Variants in PSD3 observed in about 807,000 individuals in gnomAD.
The protein encoded by PSD3 is PH and SEC7 domain-containing protein 3.
A neutral mutation model predicts 105.5 loss-of-function variants in PSD3; 49 were observed. That is an observed-to-expected ratio of 0.46 (90% confidence interval 0.37 to 0.59). PSD3 has a LOEUF of 0.59. Ranked by LOEUF, PSD3 falls within the 20% of genes least tolerant of loss-of-function variation. The probability of loss-of-function intolerance (pLI) is 0.00; values close to 1 mark genes in which losing one functional copy is unlikely to be tolerated. For synonymous variants in PSD3, 557 were observed against 457.8 expected, an observed-to-expected ratio of 1.22 and a Z score of -2.77; for missense variants, 1,561 against 1,263.8, an observed-to-expected ratio of 1.24 and a Z score of -3.57.
At position 19,054,136 on chromosome 8, in the gene PSD3, C is replaced by T. The variant is rs187571993; in HGVS notation, c.324+30070G>A. ...ATCCTCTAGGGCCTTTCTCCTGCCG[C>T]GGGCTTGTTGCCATCCAGTGCTTTG... On this transcript the variant is annotated intron_variant, in intron 1 of 1. Coordinates refer to the PSD3 transcript ENST00000521475. Among the ~76,000 whole-genome samples, 16 of 152,288 alleles carry T rather than the reference C, an allele frequency of 1.1e-4. No homozygotes were observed. The East Asian group carries it at 1.4e-3, about 13-fold the overall frequency.
intron 2 of PSD3, among the ~76,000 whole-genome samples, chr8:18,905,204 C>T (rs1161570397): frequency 6.6e-6 from 1 of 152,150 alleles, no homozygotes; most frequent in East Asian, 1.9e-4. Context: ...ACATGATCAC[C>T]TCTGCACTTT....
intron 9 of PSD3, 114 bp from the exon 10 acceptor site, chr8:18,655,799 T>C (rs1369831445): frequency 1.1e-6 from 1 of 946,404 alleles, no homozygotes; most frequent in Non-Finnish European, 1.6e-6. Context: ...GCCCCCCTTG[T>C]CAGTCACCTT....
At position 18,836,317 on chromosome 8, in the gene PSD3, T is replaced by C. The variant is rs35021404; in HGVS notation, c.1634+31357A>G. Among the ~76,000 whole-genome samples, 1,383 of 152,356 alleles carry C rather than the reference T, an allele frequency of 9.1e-3. 6 individuals carry two copies. The highest frequency in any genetic ancestry group is 0.013 in the Non-Finnish European group (870 of 68,034). On this transcript the variant is annotated intron_variant, in intron 4 of 15. Transcript: ENST00000327040. ...CTACAGTTATCTCAAATATCATCAA[T>C]GGTTCCTGCAACATACTTTCGGAAT...
At chr8:18,610,194 A>C (rs928011310) in intron 11 of PSD3, among the ~76,000 whole-genome samples, 4 of 152,236 alleles carry the variant, frequency 2.6e-5, no homozygotes, top group African/African-American at 9.6e-5. Flanking sequence ...CTGTTAAAGC[A>C]AACTAAATAT....
intron 12 of PSD3, among the ~76,000 whole-genome samples, chr8:18,579,847 T>C (rs533750503): frequency 3.9e-5 from 6 of 152,306 alleles, no homozygotes; most frequent in Non-Finnish European, 7.4e-5. Context: ...TCATGCCTCA[T>C]TAAATAGGTA....
chr8:18,844,292 G>A (rs894297637), intron 4 of PSD3, among the ~76,000 whole-genome samples: 2 of 151,926 alleles, frequency 1.3e-5, no homozygotes, highest in Non-Finnish European at 2.9e-5. Flanking sequence ...TTCTAAAGAT[G>A]GTGAAATTTT....
intron 11 of PSD3, among the ~76,000 whole-genome samples, chr8:18,617,078 C>G (rs1318324499): frequency 6.6e-6 from 1 of 152,160 alleles, no homozygotes; most frequent in Non-Finnish European, 1.5e-5. Flanking sequence ...CACCTTTTCT[C>G]TCATTCACCT....
intron 12 of PSD3, among the ~76,000 whole-genome samples, chr8:18,585,945 T>A (rs1037705656): frequency 6.6e-6 from 1 of 152,094 alleles, no homozygotes; most frequent in African/African-American, 2.4e-5. Flanking sequence ...AAGGTGTGAC[T>A]CTTCTTTTGG....
At chr8:18,908,580 T>C (rs1179784429) in intron 2 of PSD3, among the ~76,000 whole-genome samples, 3 of 152,232 alleles carry the variant, frequency 2.0e-5, no homozygotes, top group Non-Finnish European at 4.4e-5. Flanking sequence ...CTTCCCGTTC[T>C]GATCCTGATC....
At chr8:18,935,670 T>A (rs932148251) in intron 2 of PSD3, among the ~76,000 whole-genome samples, 6 of 147,552 alleles carry the variant, frequency 4.1e-5, no homozygotes, top group African/African-American at 1.3e-4. Flanking sequence ...CATGCCAGCT[T>A]GGATGACAGA....
chr8:18,537,779 C>A (rs1799922840), intron 15 of PSD3, among the ~76,000 whole-genome samples: 1 of 152,084 alleles, frequency 6.6e-6, no homozygotes, highest in Non-Finnish European at 1.5e-5. Context: ...TGGGTTCTAG[C>A]AATTCTCCTG....
At chr8:18,755,629 T>G (rs1805973426) in intron 9 of PSD3, among the ~76,000 whole-genome samples, 1 of 152,150 alleles carries the variant, frequency 6.6e-6, no homozygotes, top group Admixed American at 6.6e-5. Context: ...TACAGTACCC[T>G]TAATGATTAC....
chr8:18,621,565 G>C (rs1367297751), intron 11 of PSD3, among the ~76,000 whole-genome samples: 1 of 152,104 alleles, frequency 6.6e-6, no homozygotes, highest in Non-Finnish European at 1.5e-5. Context: ...ATTGTGAATG[G>C]GGTATTTCCT....
At chr8:18,807,733 T>C (rs530574578) in intron 4 of PSD3, among the ~76,000 whole-genome samples, 1 of 152,168 alleles carries the variant, frequency 6.6e-6, no homozygotes, top group Non-Finnish European at 1.5e-5. Context: ...TAAAATAAAT[T>C]GCTTCATTAT....
At chr8:18,778,748 C>A (rs114280046) in intron 8 of PSD3, among the ~76,000 whole-genome samples, 1 of 151,710 alleles carries the variant, frequency 6.6e-6, no homozygotes, top group Non-Finnish European at 1.5e-5. Context: ...CTTTTTGTGA[C>A]GTATCATGTT....
chr8:19,077,247 T>A (rs552739396), intron 1 of PSD3, among the ~76,000 whole-genome samples: 34 of 152,346 alleles, frequency 2.2e-4, no homozygotes, highest in African/African-American at 7.9e-4. Flanking sequence ...GATTTTCCAA[T>A]GATATAACAT....
At chr8:18,967,288 T>C (rs566159653) in intron 1 of PSD3, among the ~76,000 whole-genome samples, 54 of 152,192 alleles carry the variant, frequency 3.5e-4, no homozygotes, top group African/African-American at 1.3e-3. Flanking sequence ...CCCGAATAGC[T>C]GGGATTACAG....
chr8:19,018,111 T>C (rs1467778717), upstream of PSD3, among the ~76,000 whole-genome samples: 2 of 152,180 alleles, frequency 1.3e-5, no homozygotes, highest in Non-Finnish European at 2.9e-5. Context: ...TGTGAAGTGG[T>C]AGATTGATTG....
At chr8:18,671,639 G>GT (rs113161494) in intron 9 of PSD3, among the ~76,000 whole-genome samples, 9,281 of 145,366 alleles carry the variant, frequency 0.064, 573 homozygotes, top group East Asian at 0.17. Flanking sequence ...TTTGTTTTTT[G>GT]TTTTTTTTTT....
Sources: gnomAD v4.1 joint callset for allele counts (sites outside exome capture counted in the v4.1 genomes callset) on GRCh38, gnomAD v4.1.1 for gene constraint, MANE v1.5 for transcripts, NCBI Gene and HGNC (gene_info 2026-07-23, HGNC 2026-07-21) for gene names.